GRM7: variants seen among roughly 807,000 people sequenced by gnomAD.
GRM7 encodes the protein glutamate metabotropic receptor 7, also known as metabotropic glutamate receptor 7.
Under a neutral mutation model 84.5 loss-of-function variants are expected in GRM7, and 35 were observed. The observed-to-expected ratio is 0.41, with a 90% CI of 0.32 to 0.55. The LOEUF is 0.55. Ranked by LOEUF, GRM7 falls within the 20% of genes least tolerant of loss-of-function variation. The pLI, the probability that GRM7 is intolerant of heterozygous loss-of-function variation, is 0.19. For synonymous variants in GRM7, 487 were observed against 455.1 expected, an observed-to-expected ratio of 1.07 and a Z score of -0.89; for missense variants, 1,003 against 1,194.6, an observed-to-expected ratio of 0.84 and a Z score of 2.36.
chr3:7,176,753 T>A (rs1218663143), intron 2 of GRM7, among the ~76,000 whole-genome samples: 2 of 152,172 alleles, frequency 1.3e-5, no homozygotes, highest in Non-Finnish European at 2.9e-5. Flanking sequence ...CTTGGTTACA[T>A]TCCATTCTTC....
intron 5 of GRM7, among the ~76,000 whole-genome samples, chr3:7,421,986 T>C (rs889608884): frequency 6.6e-6 from 1 of 150,538 alleles, no homozygotes; most frequent in African/African-American, 2.4e-5. Flanking sequence ...GCTGCTTACA[T>C]TGGGAGGCTG....
chr3:7,698,973 A>G (rs992647865), intron 9 of GRM7, among the ~76,000 whole-genome samples: 1 of 152,166 alleles, frequency 6.6e-6, no homozygotes, highest in Non-Finnish European at 1.5e-5. Flanking sequence ...ATATGCAGAA[A>G]CACTGGGGCG....
chr3:7,256,156 GCTTA>G (rs1328088142), intron 2 of GRM7, among the ~76,000 whole-genome samples: 1 of 152,032 alleles, frequency 6.6e-6, no homozygotes, highest in Non-Finnish European at 1.5e-5. Flanking sequence ...CCAGAGCTTT[GCTTA>G]CTTGTCTCCT....
chr3:7,490,623 A>G (rs1363920087), intron 7 of GRM7, among the ~76,000 whole-genome samples: 1 of 152,206 alleles, frequency 6.6e-6, no homozygotes, highest in Non-Finnish European at 1.5e-5. Context: ...AAAAGAAATC[A>G]TTCAAAAAGT....
At chr3:7,601,796 C>G (rs1461974562) in intron 8 of GRM7, among the ~76,000 whole-genome samples, 2 of 152,008 alleles carry the variant, frequency 1.3e-5, no homozygotes, top group East Asian at 1.9e-4. Context: ...AAGAGAGACC[C>G]TAACTCTCAA....
chr3:7,478,521 A>G lies in GRM7; in HGVS notation c.1515+16799A>G, dbSNP rs115558368. 8.3e-3 allele frequency among the ~76,000 whole-genome samples: 1,270 copies of G among 152,316 alleles called. 12 individuals carry two copies. The highest frequency in any genetic ancestry group is 0.029 in the African/African-American group (1,222 of 41,572). On this transcript the variant is annotated intron_variant, in intron 7 of 9. Transcript: ENST00000357716. ...TTGCTAGTCCTCTTTCTTTTTGCCA[A>G]GAGCATTACATTTCAAATATTTAAT... is the stretch of plus-strand genomic sequence containing the variant.
At chr3:7,252,957 T>A (rs1397345813) in intron 2 of GRM7, among the ~76,000 whole-genome samples, 1 of 140,736 alleles carries the variant, frequency 7.1e-6, no homozygotes, top group African/African-American at 2.6e-5. Context: ...CCCAAAGTGC[T>A]GGGATTACAG....
chr3:6,906,924 A>G (rs1696598932), intron 1 of GRM7, among the ~76,000 whole-genome samples: 1 of 152,198 alleles, frequency 6.6e-6, no homozygotes, highest in Non-Finnish European at 1.5e-5. Flanking sequence ...AATCTGATGA[A>G]TTTGGACATA....
At chr3:7,525,295 C>G (rs1272786080) in intron 7 of GRM7, among the ~76,000 whole-genome samples, 2 of 151,938 alleles carry the variant, frequency 1.3e-5, no homozygotes, top group Non-Finnish European at 2.9e-5. Context: ...CTGTGGTACA[C>G]GTGTCGGAAT....
chr3:7,329,798 A>C (rs1701128839), intron 4 of GRM7, among the ~76,000 whole-genome samples: 1 of 152,070 alleles, frequency 6.6e-6, no homozygotes, highest in Non-Finnish European at 1.5e-5. Flanking sequence ...GTATATATGC[A>C]TGGATGTATG....
intron 7 of GRM7, among the ~76,000 whole-genome samples, chr3:7,473,303 AC>A (rs906249909): frequency 4.1e-4 from 62 of 152,176 alleles, no homozygotes; most frequent in African/African-American, 1.4e-3. Flanking sequence ...CCCCATCTAT[AC>A]AAAAATTTTA....
At chr3:7,654,674 T>C (rs1180819274) in intron 8 of GRM7, among the ~76,000 whole-genome samples, 1 of 152,202 alleles carries the variant, frequency 6.6e-6, no homozygotes. Flanking sequence ...TGGGTCTATC[T>C]GAAAAAATGA....
At chr3:7,452,167 C>A (rs897150515) in intron 5 of GRM7, among the ~76,000 whole-genome samples, 4 of 152,124 alleles carry the variant, frequency 2.6e-5, no homozygotes, top group African/African-American at 4.8e-5. Context: ...TCCAGTAATA[C>A]TAACAATCGA....
chr3:7,131,928 C>T (rs980526324), intron 1 of GRM7, among the ~76,000 whole-genome samples: 3 of 152,218 alleles, frequency 2.0e-5, no homozygotes, highest in African/African-American at 7.2e-5. Flanking sequence ...GGACAATGGA[C>T]TCTACCCTCA....
At chr3:7,615,412 T>C (rs971200710) in intron 8 of GRM7, among the ~76,000 whole-genome samples, 1 of 152,190 alleles carries the variant, frequency 6.6e-6, no homozygotes, top group Non-Finnish European at 1.5e-5. Flanking sequence ...GGTCATTTTC[T>C]CTTGAAGTCT....
At chr3:6,949,390 C>G (rs1692611616) in intron 1 of GRM7, among the ~76,000 whole-genome samples, 1 of 152,190 alleles carries the variant, frequency 6.6e-6, no homozygotes, top group Admixed American at 6.5e-5. Context: ...GGCCCCCACT[C>G]TCTTCTGGCT....
At chr3:7,564,351 A>G (rs1448736938) in intron 7 of GRM7, among the ~76,000 whole-genome samples, 1 of 152,160 alleles carries the variant, frequency 6.6e-6, no homozygotes, top group Non-Finnish European at 1.5e-5. Flanking sequence ...TGAGGTTTCA[A>G]GAGCTTAAAT....
At chr3:7,596,044 G>A (rs145969730) in intron 8 of GRM7, among the ~76,000 whole-genome samples, 250 of 152,334 alleles carry the variant, frequency 1.6e-3, no homozygotes, top group South Asian at 5.4e-3. Context: ...CACTGTTACA[G>A]TAATCAAGGC....
rs183811922 is a variant in GRM7, at chr3:7,276,510, G to A, written c.737-22174G>A. ...ATTCTTCAGTTTACTTTCATTTCTAGCCTAGGATTTAGTACTATAGCATGC... is the reference window on the plus strand; with the variant it reads ...ATTCTTCAGTTTACTTTCATTTCTAACCTAGGATTTAGTACTATAGCATGC... On this transcript the variant is annotated intron_variant, in intron 2 of 9. Coordinates refer to ENST00000357716, the MANE Select transcript of GRM7 (RefSeq NM_000844.4). Among the ~76,000 whole-genome samples the A allele has an allele frequency of 4.4e-3, 674 of 151,834 alleles. 5 individuals carry two copies. The highest frequency in any genetic ancestry group is 0.015 in the African/African-American group (635 of 41,420).
Sources: gnomAD v4.1 joint callset for allele counts (sites outside exome capture counted in the v4.1 genomes callset) on GRCh38, gnomAD v4.1.1 for gene constraint, MANE v1.5 for transcripts, NCBI Gene and HGNC (gene_info 2026-07-23, HGNC 2026-07-21) for gene names.